Variants in SEPTIN8 observed in about 807,000 individuals in gnomAD.
SEPTIN8 encodes septin-8.
Under a neutral mutation model 53.1 loss-of-function variants are expected in SEPTIN8, and 22 were observed. That is an observed-to-expected ratio of 0.41 (90% CI 0.30 to 0.59). The LOEUF is 0.59. Ranked by LOEUF, SEPTIN8 falls within the 20% of genes least tolerant of loss-of-function variation. SEPTIN8 has a pLI of 0.24. For synonymous variants in SEPTIN8, 228 were observed against 248.4 expected, an observed-to-expected ratio of 0.92 and a Z score of 0.77; for missense variants, 536 against 638.7, an observed-to-expected ratio of 0.84 and a Z score of 1.73.
intron 9 of SEPTIN8, chr5:132,757,366 C>G: frequency 1.0e-6 from 1 of 985,442 alleles, no homozygotes; most frequent in South Asian, 4.7e-5. Flanking sequence ...ACAGCTCACC[C>G]CTCCACTTCT....
intron 1 of SEPTIN8, among the ~76,000 whole-genome samples, chr5:132,770,744 G>C (rs1053880212): frequency 1.3e-5 from 2 of 152,216 alleles, no homozygotes; most frequent in Admixed American, 6.5e-5. Flanking sequence ...ACCCCAGAGA[G>C]AGGTGGACCC....
chr5:132,770,039 A>ATG (rs1369715488), intron 1 of SEPTIN8, among the ~76,000 whole-genome samples: 10 of 88,458 alleles, frequency 1.1e-4, no homozygotes, highest in African/African-American at 4.4e-4. Flanking sequence ...ACATATATAT[A>ATG]TATGTGTGTG....
intron 1 of SEPTIN8, among the ~76,000 whole-genome samples, chr5:132,775,326 T>C (rs112371842): frequency 2.0e-5 from 3 of 152,250 alleles, no homozygotes; most frequent in African/African-American, 4.8e-5. Context: ...GGCAAATGCA[T>C]CCTCTGCTCC....
chr5:132,755,273 C>T (rs1264007858), intron 9 of SEPTIN8, among the ~76,000 whole-genome samples: 1 of 152,294 alleles, frequency 6.6e-6, no homozygotes, highest in Non-Finnish European at 1.5e-5. Flanking sequence ...TACTTTTTAT[C>T]ACTTCTTTTC....
chr5:132,758,907 A>C, intron 9 of SEPTIN8: 1 of 1,283,804 alleles, frequency 7.8e-7, no homozygotes, highest in African/African-American at 1.5e-5. Context: ...AGCAAAAGAC[A>C]GCAAGATGGA....
intron 1 of SEPTIN8, among the ~76,000 whole-genome samples, chr5:132,766,489 T>C (rs1414152457): frequency 1.3e-5 from 2 of 152,156 alleles, no homozygotes; most frequent in East Asian, 3.9e-4. Flanking sequence ...TTTCTCTGAC[T>C]CCCTGGAATG....
At chr5:132,764,031 C>A in intron 3 of SEPTIN8, 139 bp from the exon 4 acceptor site, 1 of 1,010,938 alleles carries the variant, frequency 9.9e-7, no homozygotes, top group Non-Finnish European at 1.4e-6. Flanking sequence ...AGATCCCTGA[C>A]TGGATACAGG....
intron 1 of SEPTIN8, among the ~76,000 whole-genome samples, chr5:132,772,393 G>A (rs1757408424): frequency 6.6e-6 from 1 of 152,200 alleles, no homozygotes; most frequent in Non-Finnish European, 1.5e-5. Flanking sequence ...TGCTGCCTGA[G>A]AGGGAGTGGT....
rs538880792 is a variant in SEPTIN8, at chr5:132,752,158, T to C, written c.1310A>G (p.Gln437Arg). 2.1e-5 allele frequency: 33 copies of C among 1,591,208 alleles called. No individual in the cohort carries two copies. Among genetic ancestry groups the C allele is most frequent in the South Asian group, 2.1e-4 (18 of 87,398 alleles). The change falls in exon 10 of 10, where the codon CAG (glutamine) becomes CGG (arginine). Residue 437 changes from glutamine to arginine, a missense_variant. Gln to Arg is a conservative substitution (Grantham distance 43, BLOSUM62 1). Transcript: ENST00000378719. ...KKNRSDIGAH[Q>R]PGMSLSSSKV... is the part of the protein sequence containing the mutation. ...AGAGCTGGAGAGGCTCATGCCCGGC[T>C]GGTGTGCTCCTATATCTGATCTGCT...
chr5:132,777,198 CCGGCTGCGGGACGCGCTCCGCCCGGG>C lies in SEPTIN8; in HGVS notation c.-87_-62del, dbSNP rs1269132202. On this transcript the variant is annotated 5_prime_UTR_variant, in exon 1 of 10. Transcript: ENST00000378719. This position sits in a 1 kb window ranked among gnomAD's most constrained non-coding sequence, Gnocchi z 4.1. The stretch of plus-strand genomic sequence containing the variant: ...GCGCAGGGGCAGCGACAGGGACCAG[CCGGCTGCGGGACGCGCTCCGCCCGGG>C]CGGCTGCGGCTGAATGGATCCAATA... 9.5e-6 allele frequency: 11 copies of C among 1,161,608 alleles called. No individual in the cohort carries two copies. Among genetic ancestry groups the C allele is most frequent in the East Asian group, 3.9e-5 (1 of 25,422 alleles). The allele number at this position is 1,161,608 out of a possible 1,614,324, so 72.0% of individuals were successfully genotyped here. A position where few individuals can be genotyped will look rare whatever the true frequency, so the allele number is the denominator to read the frequency against.
At chr5:132,753,132 A>AAGGGGAG (rs1755007831) in intron 9 of SEPTIN8, 2 of 627,688 alleles carry the variant, frequency 3.2e-6, no homozygotes, top group Admixed American at 2.8e-5. Context: ...AAAAAAAATA[A>AAGGGGAG]AGGGGAGAGG....
intron 1 of SEPTIN8, among the ~76,000 whole-genome samples, chr5:132,767,982 C>CAA (rs1561764167): frequency 2.0e-5 from 3 of 150,898 alleles, no homozygotes; most frequent in African/African-American, 7.4e-5. Flanking sequence ...CACACACACA[C>CAA]ACACGCAGCC....
In SEPTIN8 at chr5:132,770,135, GTATGTGTGTGTA is replaced by G. The variant is rs1757158200; in HGVS notation, c.31-4618_31-4607del. On this transcript the variant is annotated intron_variant, in intron 1 of 9. Transcript: ENST00000378719. ...TATATATATATATATGTATATATGT[GTATGTGTGTGTA>G]TATATATATATATATATATGTATAT... Among the ~76,000 whole-genome samples, 7 of 93,718 alleles carry G rather than the reference GTATGTGTGTGTA, an allele frequency of 7.5e-5. 1 individual carries two copies. The highest frequency in any genetic ancestry group is 6.0e-4 in the East Asian group (1 of 1,676). 61.5% of individuals were successfully genotyped at this position (93,718 alleles called of 152,430 possible).
At chr5:132,756,881 T>A (rs1010743786) in intron 9 of SEPTIN8, 25 of 985,454 alleles carry the variant, frequency 2.5e-5, no homozygotes, top group Non-Finnish European at 3.0e-5. Context: ...TCATTTCTTA[T>A]GTATCCAATG....
chr5:132,769,287 A>G (rs1450740206), intron 1 of SEPTIN8, among the ~76,000 whole-genome samples: 4 of 152,202 alleles, frequency 2.6e-5, no homozygotes, highest in Non-Finnish European at 4.4e-5. Flanking sequence ...CTTGTCCCAA[A>G]CCACTCTGCT....
rs1757111693 is a variant in SEPTIN8 at position 132,770,077 on chromosome 5, ATATGTATATATG to A, written c.31-4560_31-4549del. Among the ~76,000 whole-genome samples the A allele has an allele frequency of 1.6e-3, 96 of 58,682 alleles. 2 individuals are homozygous for A. The African/African-American group carries it at 0.026, about 16-fold the overall frequency. 38.5% of individuals were successfully genotyped at this position (58,682 alleles called of 152,430 possible). ...TGTGTGTGTGTGTATATATATATAT[ATATGTATATATG>A]TATATATATATGTATATATGTATAT... On this transcript the variant is annotated intron_variant, in intron 1 of 9. Transcript: ENST00000378719.
chr5:132,777,317 G>C, upstream of SEPTIN8: 1 of 1,079,030 alleles, frequency 9.3e-7, no homozygotes. The surrounding 1 kb of genome is among the most constrained non-coding windows in gnomAD (Gnocchi z 4.1). Flanking sequence ...CCCTGCCCCC[G>C]CCCGCGGGAC....
intron 9 of SEPTIN8, chr5:132,756,972 C>T: frequency 1.0e-6 from 1 of 985,414 alleles, no homozygotes; most frequent in Non-Finnish European, 1.2e-6. Context: ...TCTGACCCAA[C>T]TGCATACACT....
intron 9 of SEPTIN8, chr5:132,753,254 T>C (rs1284620631): frequency 7.6e-6 from 3 of 393,276 alleles, no homozygotes; most frequent in South Asian, 8.7e-5. Flanking sequence ...AATGTTCAAA[T>C]GGCAGCTTGT....
Sources: gnomAD v4.1 joint callset for allele counts (sites outside exome capture counted in the v4.1 genomes callset) on GRCh38, gnomAD v4.1.1 for gene constraint, Gnocchi (gnomAD v3.1) non-coding constraint, MANE v1.5 for transcripts, NCBI Gene and HGNC (gene_info 2026-07-23, HGNC 2026-07-21) for gene names.